The following UBAP1 variants were observed in gnomAD, a reference collection of about 807,000 sequenced individuals.
The protein encoded by UBAP1 is ubiquitin associated protein 1.
UBAP1 carries 5 observed loss-of-function variants against 39.0 expected under a neutral mutation model. The observed-to-expected ratio is 0.13, with a 90% CI of 0.07 to 0.27. UBAP1 has a LOEUF of 0.27. UBAP1 is among the 10% of genes least tolerant of loss of function. The probability of loss-of-function intolerance (pLI) is 1.00; values close to 1 mark genes in which losing one functional copy is unlikely to be tolerated. For synonymous variants in UBAP1, 211 were observed against 225.1 expected (o/e 0.94, Z 0.56); for missense variants, 490 against 608.1 (o/e 0.81, Z 2.04).
chr9:34,224,109 G>A, intron 2 of UBAP1: 1 of 738,844 alleles, frequency 1.4e-6, no homozygotes, highest in Non-Finnish European at 2.1e-6. Flanking sequence ...AGCTTGCCCT[G>A]CTGGAACTGC....
intron 1 of UBAP1, among the ~76,000 whole-genome samples, chr9:34,198,873 G>A (rs1055178552): frequency 2.9e-4 from 44 of 152,170 alleles, no homozygotes; most frequent in East Asian, 7.7e-4. Context: ...GGTGAGGGGC[G>A]ATGCAGTCAA....
chr9:34,239,912 CCTG>C (rs1327922138), intron 3 of UBAP1, among the ~76,000 whole-genome samples: 1 of 152,088 alleles, frequency 6.6e-6, no homozygotes, highest in Non-Finnish European at 1.5e-5. Flanking sequence ...TGCACCGCAC[CCTG>C]CTTTTTCTGC....
At position 34,224,070 on chromosome 9, in the gene UBAP1, G is replaced by A. The variant is rs572555361; in HGVS notation, c.34+3122G>A. On this transcript the variant is annotated intron_variant, in intron 2 of 6. Transcript: ENST00000297661. ...ACATAGCCGTCTGTTTGGCCACACT[G>A]TCCCGGCCTTGAAGTGATGCACGCA... 9 of 613,926 alleles carry A rather than the reference G, an allele frequency of 1.5e-5. No homozygotes were observed. In the East Asian group the frequency reaches 2.6e-4, roughly 18 times the overall value. 38.0% of individuals were successfully genotyped at this position (613,926 alleles called of 1,614,324 possible). A position where few individuals can be genotyped will look rare whatever the true frequency, so the allele number is the denominator to read the frequency against.
At chr9:34,184,754 C>T (rs1267773225) in intron 1 of UBAP1, among the ~76,000 whole-genome samples, 1 of 151,012 alleles carries the variant, frequency 6.6e-6, no homozygotes, top group East Asian at 2.0e-4. Context: ...TCCTGAGTAG[C>T]TGGGACTACA....
chr9:34,221,905 A>T (rs922413491), intron 2 of UBAP1, among the ~76,000 whole-genome samples: 3 of 152,182 alleles, frequency 2.0e-5, no homozygotes, highest in African/African-American at 7.2e-5. Flanking sequence ...GTAAGAATTT[A>T]AAACCAGAAG....
intron 2 of UBAP1, among the ~76,000 whole-genome samples, chr9:34,231,942 A>G (rs1833446210): frequency 1.3e-5 from 2 of 151,320 alleles, no homozygotes; most frequent in African/African-American, 4.9e-5. Context: ...GGACACTCAA[A>G]TTCTTGCTCA....
At chr9:34,194,543 C>T (rs879835478) in intron 1 of UBAP1, among the ~76,000 whole-genome samples, 47 of 151,984 alleles carry the variant, frequency 3.1e-4, no homozygotes, top group Admixed American at 1.2e-3. Flanking sequence ...CTCGATCTCC[C>T]GACCTCGTGA....
chr9:34,195,797 A>G (rs1358986244), intron 1 of UBAP1, among the ~76,000 whole-genome samples: 1 of 151,568 alleles, frequency 6.6e-6, no homozygotes, highest in African/African-American at 2.4e-5. Context: ...GGGTTTCTCC[A>G]TGTTGGTCAG....
At chr9:34,234,644 T>G in intron 3 of UBAP1, among the ~76,000 whole-genome samples, 1 of 151,972 alleles carries the variant, frequency 6.6e-6, no homozygotes, top group East Asian at 1.9e-4. Context: ...GATAGATATA[T>G]ATATATATAT....
chr9:34,214,301 C>T (rs888984519), intron 1 of UBAP1, among the ~76,000 whole-genome samples: 9 of 152,170 alleles, frequency 5.9e-5, no homozygotes, highest in South Asian at 4.1e-4. Flanking sequence ...CAAAACAGCA[C>T]GGTACTGGTA....
In UBAP1 at chr9:34,196,362, C is replaced by G. The variant is rs1279559440; in HGVS notation, c.-8+17122C>G. Among the ~76,000 whole-genome samples the G allele has an allele frequency of 2.7e-5, 4 of 150,174 alleles. No homozygotes were observed. The South Asian group carries it at 6.3e-4, about 24-fold the overall frequency. ...CGGAATTTCACTCTTATTGCCCAGGCTGGAGTGCAATGGCGTGATCTCGGC... is the reference window on the plus strand; with the variant it reads ...CGGAATTTCACTCTTATTGCCCAGGGTGGAGTGCAATGGCGTGATCTCGGC... On this transcript the variant is annotated intron_variant, in intron 1 of 6. Coordinates refer to ENST00000297661, the MANE Select transcript of UBAP1 (RefSeq NM_016525.5).
At chr9:34,189,269 ACCT>A (rs1830584367) in intron 1 of UBAP1, among the ~76,000 whole-genome samples, 1 of 150,364 alleles carries the variant, frequency 6.7e-6, no homozygotes, top group Admixed American at 6.6e-5. Flanking sequence ...ACTCATTGCA[ACCT>A]CCTCCTCCAG....
chr9:34,216,189 T>C (rs962555054), intron 1 of UBAP1, among the ~76,000 whole-genome samples: 1 of 152,036 alleles, frequency 6.6e-6, no homozygotes, highest in Non-Finnish European at 1.5e-5. Flanking sequence ...CTGCCATTTT[T>C]TTTTTTGTAA....
In UBAP1 at chr9:34,224,140, T is replaced by C. The variant is rs1051794886; in HGVS notation, c.34+3192T>C. Reference sequence around the variant, plus strand: ...ACTGCTCCTCCAGGAGACTGCTGATTTTGGCCTTTTTTTTTCCTTTCATCG... The same window carrying C: ...ACTGCTCCTCCAGGAGACTGCTGATCTTGGCCTTTTTTTTTCCTTTCATCG... On this transcript the variant is annotated intron_variant, in intron 2 of 6. Transcript: ENST00000297661. 3 of 730,922 alleles carry C rather than the reference T, an allele frequency of 4.1e-6. No homozygotes were observed. The South Asian group carries it at 6.9e-5, about 17-fold the overall frequency. The allele number at this position is 730,922 out of a possible 1,614,324, so 45.3% of individuals were successfully genotyped here. A position where few individuals can be genotyped will look rare whatever the true frequency, so the allele number is the denominator to read the frequency against.
At chr9:34,217,814 GAGAC>G (rs1358433633) in intron 1 of UBAP1, among the ~76,000 whole-genome samples, 139 of 4,796 alleles carry the variant, frequency 0.029, no homozygotes, top group Middle Eastern at 0.5. Flanking sequence ...TTTTTTTTTT[GAGAC>G]AGACAGTCTT....
rs186080301 is a variant in UBAP1 at position 34,208,548 on chromosome 9, C to T, written c.-7-12360C>T. ...ATCCCAGCACTTTGGGAGGCCGAGG[C>T]GGGCAGATCATGAGGTCAGGAGATT... On this transcript the variant is annotated intron_variant, in intron 1 of 6. Transcript: ENST00000297661. Among the ~76,000 whole-genome samples the T allele has an allele frequency of 1.1e-4, 17 of 151,962 alleles. No individual in the cohort carries two copies. The East Asian group carries it at 1.7e-3, about 16-fold the overall frequency.
chr9:34,249,714 G>C lies in UBAP1; in HGVS notation c.1084-65G>C. ...TCAGAAATGCCAACCCCTGGACTAG[G>C]CTGCCTCAGTGACTTCTTTGGGGGC... is the stretch of plus-strand genomic sequence containing the variant. On this transcript the variant is annotated intron_variant, in intron 4 of 6. Transcript: ENST00000297661. 5.3e-6 allele frequency: 8 copies of C among 1,509,614 alleles called. No homozygotes were observed. In the South Asian group the frequency reaches 9.3e-5, roughly 18 times the overall value. 93.5% of individuals were successfully genotyped at this position (1,509,614 alleles called of 1,614,324 possible). A position where few individuals can be genotyped will look rare whatever the true frequency, so the allele number is the denominator to read the frequency against.
intron 1 of UBAP1, among the ~76,000 whole-genome samples, chr9:34,218,250 C>CAAAAAAAAAAAAAAAAAAA (rs758443973): frequency 6.1e-5 from 3 of 49,524 alleles, no homozygotes; most frequent in African/African-American, 9.4e-5. Context: ...GACTCCATCT[C>CAAAAAAAAAAAAAAAAAAA]AAAAAAAAAA....
At chr9:34,243,332 T>C (rs916325961) in intron 4 of UBAP1, among the ~76,000 whole-genome samples, 4 of 152,190 alleles carry the variant, frequency 2.6e-5, no homozygotes, top group African/African-American at 9.7e-5. Flanking sequence ...TTTCTCAAAC[T>C]AGAACGCTTG....
Sources: gnomAD v4.1 joint callset for allele counts (sites outside exome capture counted in the v4.1 genomes callset) on GRCh38, gnomAD v4.1.1 for gene constraint, MANE v1.5 for transcripts, NCBI Gene and HGNC (gene_info 2026-07-23, HGNC 2026-07-21) for gene names.